The following TMEM132D variants were observed in gnomAD, a reference collection of about 807,000 sequenced individuals.
The protein encoded by TMEM132D is transmembrane protein 132D, also known as mature OL transmembrane protein.
A neutral mutation model predicts 62.3 loss-of-function variants in TMEM132D; 21 were observed. The ratio of observed to expected loss-of-function variants is 0.34; its 90% confidence interval spans 0.24 to 0.49. The LOEUF (loss-of-function observed/expected upper bound fraction) is 0.49, where lower values mean the gene tolerates loss of function less well. Ranked by LOEUF, TMEM132D falls within the 20% of genes least tolerant of loss-of-function variation. The pLI, the probability that TMEM132D is intolerant of heterozygous loss-of-function variation, is 0.99. For missense variants in TMEM132D, 1,346 were observed against 1,402.8 expected (o/e 0.96, Z 0.65); for synonymous variants, 621 against 575.6 (o/e 1.08, Z -1.13).
In TMEM132D at chr12:129,481,561, A is replaced by G. The variant is rs991335313; in HGVS notation, c.1115+49498T>C. On this transcript the variant is annotated intron_variant, in intron 3 of 8. Transcript: ENST00000422113. The stretch of plus-strand genomic sequence containing the variant: ...ACAGAAGAGGAAATGCAATTTACCA[A>G]CACATACTTGAAAAGATTTTCAATC... 8.4e-4 allele frequency among the ~76,000 whole-genome samples: 128 copies of G among 152,342 alleles called. 2 individuals are homozygous for G. Among genetic ancestry groups the G allele is most frequent in the Admixed American group, 8.2e-3 (125 of 15,302 alleles).
intron 5 of TMEM132D, among the ~76,000 whole-genome samples, chr12:129,194,108 A>G (rs1565993661): frequency 6.6e-6 from 1 of 152,242 alleles, no homozygotes; most frequent in Non-Finnish European, 1.5e-5. Flanking sequence ...CCCTTGGTCC[A>G]TGGCTCCTTG....
chr12:129,363,938 CAT>C lies in TMEM132D; in HGVS notation c.1116-26123_1116-26122del, dbSNP rs1870328478. ...ATTTGATCAAGAAGTTTGCTTTTCT[CAT>C]ACAACCAGTTAGGCATGTTTGTTAT... On this transcript the variant is annotated intron_variant, in intron 3 of 8. Coordinates refer to ENST00000422113, the MANE Select transcript of TMEM132D (RefSeq NM_133448.3). 3.9e-5 allele frequency among the ~76,000 whole-genome samples: 6 copies of C among 152,344 alleles called. No homozygotes were observed. The South Asian group carries it at 1.0e-3, about 26-fold the overall frequency.
At chr12:129,297,221 G>A (rs1405003825) in intron 4 of TMEM132D, among the ~76,000 whole-genome samples, 1 of 152,210 alleles carries the variant, frequency 6.6e-6, no homozygotes, top group East Asian at 1.9e-4. Flanking sequence ...CCTGGAACCA[G>A]GTGGGGCAGA....
chr12:129,394,305 T>C (rs1871363101), intron 3 of TMEM132D, among the ~76,000 whole-genome samples: 1 of 152,188 alleles, frequency 6.6e-6, no homozygotes, highest in South Asian at 2.1e-4. Context: ...TTGTAAGAGC[T>C]GGGAATACAA....
chr12:129,410,583 C>T (rs958323202), intron 3 of TMEM132D, among the ~76,000 whole-genome samples: 1 of 152,118 alleles, frequency 6.6e-6, no homozygotes, highest in African/African-American at 2.4e-5. Context: ...TGCTCTCAAT[C>T]TCCTGACCTC....
At chr12:129,558,239 A>C (rs1166064442) in intron 2 of TMEM132D, among the ~76,000 whole-genome samples, 1 of 152,222 alleles carries the variant, frequency 6.6e-6, no homozygotes, top group Non-Finnish European at 1.5e-5. Flanking sequence ...AGACAGCATG[A>C]AAGATCACAT....
chr12:129,247,579 A>G (rs78300250), intron 4 of TMEM132D, among the ~76,000 whole-genome samples: 5,783 of 152,296 alleles, frequency 0.038, 338 homozygotes, highest in African/African-American at 0.13. Flanking sequence ...AAGACAGGAG[A>G]CAAGACGTTG....
chr12:129,280,649 C>T (rs1881116724), intron 4 of TMEM132D, among the ~76,000 whole-genome samples: 1 of 152,148 alleles, frequency 6.6e-6, no homozygotes. Context: ...ATTTCTCAGC[C>T]TCCATAAGTA....
At chr12:129,207,402 C>T (rs140238577) in intron 5 of TMEM132D, among the ~76,000 whole-genome samples, 71 of 152,202 alleles carry the variant, frequency 4.7e-4, no homozygotes, top group African/African-American at 1.5e-3. Context: ...AATACATAAA[C>T]GTATGCTATG....
At chr12:129,862,647 T>C (rs558222329) in intron 1 of TMEM132D, among the ~76,000 whole-genome samples, 45 of 152,298 alleles carry the variant, frequency 3.0e-4, no homozygotes, top group Middle Eastern at 3.4e-3. Flanking sequence ...ATAAATCTAA[T>C]AGAGTGCCTT....
chr12:129,472,258 T>C (rs541381483), intron 3 of TMEM132D, among the ~76,000 whole-genome samples: 1 of 152,278 alleles, frequency 6.6e-6, no homozygotes, highest in East Asian at 1.9e-4. Flanking sequence ...CACTGGGGAC[T>C]TCAAGTTGAG....
At chr12:129,416,608 A>G (rs1872128195) in intron 3 of TMEM132D, among the ~76,000 whole-genome samples, 1 of 152,208 alleles carries the variant, frequency 6.6e-6, no homozygotes, top group African/African-American at 2.4e-5. Context: ...AAGTAGTTAG[A>G]GAGGGCATCC....
rs1368946013 is a variant in TMEM132D, at chr12:129,896,494, G to A, written c.79+6767C>T. Among the ~76,000 whole-genome samples, 12 of 152,154 alleles carry A rather than the reference G, an allele frequency of 7.9e-5. No homozygotes were observed. The South Asian group carries it at 8.3e-4, about 11-fold the overall frequency. ...CGGCAGGCTATTTTATCACTGAAGC[G>A]TCTTCCCATCTACCAGTATAGCTTT... On this transcript the variant is annotated intron_variant, in intron 1 of 8. Transcript: ENST00000422113.
chr12:129,312,573 TG>T (rs1166992462), intron 4 of TMEM132D, among the ~76,000 whole-genome samples: 1 of 152,202 alleles, frequency 6.6e-6, no homozygotes, highest in East Asian at 1.9e-4. Flanking sequence ...TTGTTTGTTT[TG>T]TTTTTTGTTT....
intron 2 of TMEM132D, among the ~76,000 whole-genome samples, chr12:129,556,863 C>A (rs1877075480): frequency 6.6e-6 from 1 of 152,180 alleles, no homozygotes. Context: ...ACAGAAAATT[C>A]TATTGGAGAG....
chr12:129,782,736 T>C (rs534737734), intron 1 of TMEM132D, among the ~76,000 whole-genome samples: 1 of 152,304 alleles, frequency 6.6e-6, no homozygotes, highest in Non-Finnish European at 1.5e-5. Flanking sequence ...CACACAGGTG[T>C]ATTCCTGATA....
chr12:129,270,134 T>C (rs567258649), intron 4 of TMEM132D, among the ~76,000 whole-genome samples: 3 of 152,338 alleles, frequency 2.0e-5, no homozygotes, highest in Admixed American at 6.5e-5. Flanking sequence ...CAGTGTCCTG[T>C]ATGCAGATAA....
intron 2 of TMEM132D, among the ~76,000 whole-genome samples, chr12:129,665,967 T>C (rs1880367054): frequency 6.6e-6 from 1 of 152,224 alleles, no homozygotes; most frequent in Non-Finnish European, 1.5e-5. Context: ...TCTCTTCTTA[T>C]GTGAAATAAA....
chr12:129,097,287 G>A (rs940288321), intron 5 of TMEM132D, among the ~76,000 whole-genome samples: 1 of 152,340 alleles, frequency 6.6e-6, no homozygotes, highest in East Asian at 1.9e-4. Context: ...AGCACCCCCG[G>A]TTGAGAACCA....
Sources: gnomAD v4.1 joint callset for allele counts (sites outside exome capture counted in the v4.1 genomes callset) on GRCh38, gnomAD v4.1.1 for gene constraint, MANE v1.5 for transcripts, NCBI Gene and HGNC (gene_info 2026-07-23, HGNC 2026-07-21) for gene names.